MYH3: variants seen among roughly 807,000 people sequenced by gnomAD.
MYH3 encodes myosin-3.
In MYH3, 130 loss-of-function variants were observed where a neutral mutation model predicts 238.0. That is an observed-to-expected ratio of 0.55 (90% confidence interval 0.47 to 0.63). The LOEUF is 0.63. Ranked by LOEUF, MYH3 falls within the 30% of genes least tolerant of loss-of-function variation. The pLI, the probability that MYH3 is intolerant of heterozygous loss-of-function variation, is 0.00. For missense variants in MYH3, 1,853 were observed against 2,374.9 expected (o/e 0.78, Z 4.57); for synonymous variants, 880 against 924.1 (o/e 0.95, Z 0.86).
At chr17:10,666,221 AAAC>A in the MYH3 span, among the ~76,000 whole-genome samples, 1 of 152,250 alleles carries the variant, frequency 6.6e-6, no homozygotes, top group East Asian at 1.9e-4. Context: ...GTAAAATAAA[AAAC>A]AATAGATAAA....
chr17:10,662,564 A>C, the MYH3 span, among the ~76,000 whole-genome samples: 1 of 152,220 alleles, frequency 6.6e-6, no homozygotes, highest in Non-Finnish European at 1.5e-5. Context: ...ACAATCTCCA[A>C]AATGCCATTG....
chr17:10,658,388 A>G (rs920144189), upstream of MYH3, among the ~76,000 whole-genome samples: 1 of 152,160 alleles, frequency 6.6e-6, no homozygotes, highest in African/African-American at 2.4e-5. Flanking sequence ...CAAGCCCCGA[A>G]GTGGAGGCCA....
chr17:10,657,755 G>A (rs563539091), upstream of MYH3, among the ~76,000 whole-genome samples: 57 of 152,210 alleles, frequency 3.7e-4, no homozygotes, highest in Non-Finnish European at 6.5e-4. Context: ...AATCCTTTTT[G>A]AATTTTGAGC....
chr17:10,648,531 T>A, intron 8 of MYH3, 26 bp downstream of exon 8: 1 of 1,597,662 alleles, frequency 6.3e-7, no homozygotes, highest in East Asian at 2.2e-5. Context: ...CAAAGCAAAT[T>A]CCATCTTAAC....
chr17:10,648,247 T>G (rs1381689852), intron 8 of MYH3, among the ~76,000 whole-genome samples: 1 of 152,100 alleles, frequency 6.6e-6, no homozygotes, highest in Non-Finnish European at 1.5e-5. Flanking sequence ...TGGCCCTTCC[T>G]TCGTTCCCCC....
chr17:10,630,121 C>G lies in MYH3; in HGVS notation c.5533G>C (p.Glu1845Gln). The change falls in exon 38 of 41, where the codon GAG (glutamate) becomes CAG (glutamine). Residue 1845 changes from glutamate (E) to glutamine (Q), a missense_variant. Around this residue, in one of 3 missense-constraint regions of MYH3, gnomAD observed 1,044 missense variants for 1,192.6 expected, o/e 0.88. Coordinates refer to ENST00000583535, the MANE Select transcript of MYH3 (RefSeq NM_002470.4). ...TACGTCAGCTCCTTGACCCTCCGCT[C>G]ATACTTCCTCAGGCCCTTAACAGAC... Reference protein sequence around the residue: ...TESVKGLRKYERRVKELTYQS... With the variant: ...TESVKGLRKYQRRVKELTYQS... The G allele has an allele frequency of 6.2e-7, 1 of 1,614,184 alleles. No homozygotes were observed. The highest frequency in any genetic ancestry group is 8.5e-7 in the Non-Finnish European group (1 of 1,179,996).
the MYH3 span, chr17:10,678,053 T>C: frequency 6.6e-6 from 1 of 151,970 alleles, no homozygotes; most frequent in Non-Finnish European, 1.5e-5. Flanking sequence ...AGGTGGAGGT[T>C]GCAGTGAGCT....
upstream of MYH3, chr17:10,659,087 T>A (rs953694222): frequency 1.8e-4 from 27 of 152,224 alleles, no homozygotes; most frequent in African/African-American, 6.5e-4. Context: ...AGTTCCTACG[T>A]CAACACCCAG....
the MYH3 span, chr17:10,678,237 C>T: frequency 1.3e-5 from 2 of 152,210 alleles, no homozygotes; most frequent in Admixed American, 6.5e-5. Flanking sequence ...TCACCATAAG[C>T]GCACGATAGC....
chr17:10,653,648 T>C (rs3815010), intron 3 of MYH3, among the ~76,000 whole-genome samples: 96,211 of 152,012 alleles, frequency 0.63, 32,277 homozygotes, highest in Non-Finnish European at 0.77. Context: ...GTCTTCCTCT[T>C]CCCTGCCCTG....
chr17:10,675,254 C>G, the MYH3 span: 3 of 152,582 alleles, frequency 2.0e-5, no homozygotes, highest in Non-Finnish European at 4.4e-5. Flanking sequence ...CATCTGCCTC[C>G]TGCTGTTGCT....
the MYH3 span, chr17:10,673,714 C>T: frequency 6.6e-6 from 1 of 152,180 alleles, no homozygotes; most frequent in East Asian, 1.9e-4. Flanking sequence ...AGAATGCCTA[C>T]ATGGAAAGAC....
rs1175337655 is a variant in MYH3, at chr17:10,638,419, T to A, written c.3353A>T (p.Glu1118Val). Residue 1118 changes from glutamate (E) to valine (V), a missense_variant, in exon 27 of 41, where the codon GAG becomes GTG. This residue lies in a region of MYH3 where 1,044 missense variants were observed against 1,192.6 expected (regional missense o/e 0.88). Transcript: ENST00000583535. ...KIKELQARIE[E>V]LEEEIEAERA... Reference sequence around the variant, plus strand: ...CTCCGCCTCTATCTCCTCTTCCAGCTCCTCAATTCGAGCCTGTGGAGGGCA... The same window carrying A: ...CTCCGCCTCTATCTCCTCTTCCAGCACCTCAATTCGAGCCTGTGGAGGGCA... The A allele has an allele frequency of 6.3e-7, 1 of 1,599,994 alleles. No individual in the cohort carries two copies. Among genetic ancestry groups the A allele is most frequent in the Non-Finnish European group, 8.5e-7 (1 of 1,179,934 alleles).
chr17:10,643,475 A>G (rs2074292540), intron 14 of MYH3, among the ~76,000 whole-genome samples: 1 of 152,070 alleles, frequency 6.6e-6, no homozygotes, highest in Non-Finnish European at 1.5e-5. Context: ...TCCCAGGTTC[A>G]AATGATTCTC....
intron 14 of MYH3, among the ~76,000 whole-genome samples, chr17:10,643,674 G>A (rs575863385): frequency 1.3e-5 from 2 of 152,254 alleles, no homozygotes; most frequent in Admixed American, 6.5e-5. Context: ...ATGCCCAGCC[G>A]CGGCTATGCA....
Position 10,633,607 on chromosome 17 carries a change from G to A in MYH3, c.4631C>T (p.Ala1544Val), listed in dbSNP as rs899721074. 1 of 1,613,332 alleles carries A rather than the reference G, an allele frequency of 6.2e-7. No homozygotes were observed. Among genetic ancestry groups the A allele is most frequent in the Non-Finnish European group, 8.5e-7 (1 of 1,179,914 alleles). ...AGCACTCACCTCTGCTTCCTCGAGA[G>A]CCAGCTGGATATCAGCCTTTTCCAG... ...IELEKADIQL[A>V]LEEAEAALEH... The change falls in exon 33 of 41, where the codon GCT (alanine) becomes GTT (valine). Residue 1544 changes from alanine (A) to valine (V), a missense_variant. Ala to Val is a moderately conservative substitution (Grantham distance 64). Around this residue, in one of 3 missense-constraint regions of MYH3, gnomAD observed 1,044 missense variants for 1,192.6 expected, o/e 0.88. Coordinates refer to ENST00000583535, the MANE Select transcript of MYH3 (RefSeq NM_002470.4).
rs1424560956 is a variant in MYH3, at chr17:10,645,882, C to T, written c.1003-37G>A. 3 of 1,613,868 alleles carry T rather than the reference C, an allele frequency of 1.9e-6. 1 individual carries two copies. The highest frequency in any genetic ancestry group is 8.5e-7 in the Non-Finnish European group (1 of 1,179,948). On this transcript the variant is annotated intron_variant, in intron 11 of 40. Coordinates refer to ENST00000583535, the MANE Select transcript of MYH3 (RefSeq NM_002470.4). Reference sequence around the variant, plus strand: ...AGGGCAGCACGTCAGTCAGTTGGCCCCAGTGATGGAGGAGGAACACCCACC... The same window carrying T: ...AGGGCAGCACGTCAGTCAGTTGGCCTCAGTGATGGAGGAGGAACACCCACC...
chr17:10,671,113 C>T, the MYH3 span, among the ~76,000 whole-genome samples: 1 of 152,076 alleles, frequency 6.6e-6, no homozygotes, highest in African/African-American at 2.4e-5. Context: ...AAACTGGTCT[C>T]GAACTCCTGA....
At chr17:10,665,493 C>G in the MYH3 span, among the ~76,000 whole-genome samples, 1 of 152,088 alleles carries the variant, frequency 6.6e-6, no homozygotes, top group African/African-American at 2.4e-5. Flanking sequence ...CGATTTCAAA[C>G]CTGGCTATCC....
Sources: gnomAD v4.1 joint callset for allele counts (sites outside exome capture counted in the v4.1 genomes callset) on GRCh38, gnomAD v4.1.1 for gene constraint, gnomAD v4.1.1 regional missense constraint, MANE v1.5 for transcripts, NCBI Gene and HGNC (gene_info 2026-07-23, HGNC 2026-07-21) for gene names.